The following LYRM4 variants were observed in gnomAD, a reference collection of about 807,000 sequenced individuals.
LYRM4 encodes the protein LYR motif-containing protein 4.
A neutral mutation model predicts 11.7 loss-of-function variants in LYRM4; 9 were observed. That is an observed-to-expected ratio of 0.77 (90% confidence interval 0.46 to 1.34). The LOEUF is 1.34. LYRM4 is among the 40% of genes most tolerant of loss of function. The pLI, the probability that LYRM4 is intolerant of heterozygous loss-of-function variation, is 0.00. For missense variants in LYRM4, 133 were observed against 112.5 expected (o/e 1.18, Z -0.82); for synonymous variants, 42 against 40.4 (o/e 1.04, Z -0.15).
At chr6:5,260,232 G>A (rs796749389) in intron 1 of LYRM4, among the ~76,000 whole-genome samples, 34 of 152,302 alleles carry the variant, frequency 2.2e-4, no homozygotes, top group African/African-American at 7.7e-4. Context: ...CTTTGTCGCA[G>A]TGTACTACTC....
chr6:5,201,815 A>G (rs1297251418), intron 2 of LYRM4, among the ~76,000 whole-genome samples: 1 of 152,230 alleles, frequency 6.6e-6, no homozygotes, highest in Admixed American at 6.5e-5. Context: ...TCATTCTATT[A>G]AAATGCAATT....
In LYRM4 at chr6:5,222,244, T is replaced by C. The variant is rs143192175; in HGVS notation, c.87-5506A>G. 3.0e-3 allele frequency among the ~76,000 whole-genome samples: 456 copies of C among 152,238 alleles called. 1 individual carries two copies. The highest frequency in any genetic ancestry group is 5.2e-3 in the Admixed American group (79 of 15,294). ...AATAAATGAGCTTATCAAAATATCA[T>C]AGGCAATATCAAAAAGACCTTCAAG... On this transcript the variant is annotated intron_variant, in intron 1 of 2. Transcript: ENST00000330636.
chr6:5,179,411 C>T (rs1759942258), intron 2 of LYRM4, among the ~76,000 whole-genome samples: 1 of 152,156 alleles, frequency 6.6e-6, no homozygotes, highest in Non-Finnish European at 1.5e-5. Flanking sequence ...TCTCCATTCT[C>T]ATCCCTCAGT....
chr6:5,037,638 G>A, the LYRM4 span, among the ~76,000 whole-genome samples: 20 of 58,516 alleles, frequency 3.4e-4, no homozygotes, highest in African/African-American at 3.6e-4. Context: ...CGGGCGGGGG[G>A]CTGATCCCCC....
At position 5,129,199 on chromosome 6, in the gene LYRM4, G is replaced by A. The variant is rs566836563; in HGVS notation, c.208-19708C>T. ...TGGGAAATAGTGGCATTGGGCTCGC[G>A]GGCTGCCCTGAGACAACCCAGGTTT... On this transcript the variant is annotated intron_variant, in intron 2 of 2. Coordinates refer to ENST00000330636, the MANE Select transcript of LYRM4 (RefSeq NM_020408.6). Among the ~76,000 whole-genome samples the A allele has an allele frequency of 3.3e-4, 51 of 152,264 alleles. 1 individual carries two copies. The highest frequency in any genetic ancestry group is 2.8e-3 in the Admixed American group (43 of 15,290).
downstream of LYRM4, chr6:5,107,124 T>C (rs1174722637): frequency 6.6e-6 from 1 of 152,284 alleles, no homozygotes; most frequent in East Asian, 1.9e-4. Flanking sequence ...ATTTGTATCT[T>C]TCTGCAGATT....
At chr6:5,218,280 C>T (rs1267387369) in intron 1 of LYRM4, 1 of 985,042 alleles carries the variant, frequency 1.0e-6, no homozygotes, top group East Asian at 1.1e-4. Flanking sequence ...CATGTGATGC[C>T]AGTAGTAATA....
chr6:5,233,391 A>C (rs71540854), intron 1 of LYRM4, among the ~76,000 whole-genome samples: 1,582 of 152,362 alleles, frequency 0.01, 34 homozygotes, highest in African/African-American at 0.035. Flanking sequence ...AAACAATCAC[A>C]AAGAATACTT....
chr6:5,240,011 A>C (rs1000282482), intron 1 of LYRM4, among the ~76,000 whole-genome samples: 19 of 152,234 alleles, frequency 1.2e-4, no homozygotes, highest in African/African-American at 4.6e-4. Flanking sequence ...GGTGGAACCC[A>C]GGGCCTGTGG....
intron 2 of LYRM4, among the ~76,000 whole-genome samples, chr6:5,175,647 G>T (rs924902753): frequency 6.6e-6 from 1 of 152,194 alleles, no homozygotes; most frequent in South Asian, 2.1e-4. Flanking sequence ...CCCTGCCATT[G>T]AGAATCGGGG....
the LYRM4 span, among the ~76,000 whole-genome samples, chr6:5,075,934 T>A: frequency 7.0e-6 from 1 of 143,600 alleles, no homozygotes; most frequent in Non-Finnish European, 1.6e-5. Context: ...GCTAACTGGG[T>A]TTATGTATTT....
chr6:5,037,881 A>C, the LYRM4 span, among the ~76,000 whole-genome samples: 2 of 47,980 alleles, frequency 4.2e-5, no homozygotes, highest in African/African-American at 1.1e-4. Context: ...ACTTCCCAGT[A>C]GGGGCGGCCG....
At chr6:5,066,966 GC>G in the LYRM4 span, 2 of 1,012,598 alleles carry the variant, frequency 2.0e-6, no homozygotes, top group South Asian at 3.0e-5. Context: ...AGGAAATCCG[GC>G]CACTGGGATC....
intron 2 of LYRM4, among the ~76,000 whole-genome samples, chr6:5,167,339 A>G (rs1759143649): frequency 6.6e-6 from 1 of 152,194 alleles, no homozygotes; most frequent in African/African-American, 2.4e-5. Context: ...TATACCAGAA[A>G]ATGTCTTGTT....
the LYRM4 span, among the ~76,000 whole-genome samples, chr6:5,083,270 T>C: frequency 6.6e-6 from 1 of 152,274 alleles, no homozygotes; most frequent in African/African-American, 2.4e-5. Context: ...TTAAAATAGC[T>C]TGTGAATTTT....
intron 2 of LYRM4, among the ~76,000 whole-genome samples, chr6:5,173,277 A>G (rs1288025232): frequency 6.6e-6 from 1 of 152,242 alleles, no homozygotes; most frequent in Non-Finnish European, 1.5e-5. Flanking sequence ...AATCAGACAC[A>G]TCAACGCTGT....
At chr6:5,066,640 C>T in the LYRM4 span, 1 of 1,184,528 alleles carries the variant, frequency 8.4e-7, no homozygotes, top group Non-Finnish European at 1.3e-6. Flanking sequence ...GCACCAATTT[C>T]AAGTAATGCC....
the LYRM4 span, chr6:5,054,411 A>T: frequency 1.3e-4 from 20 of 153,736 alleles, no homozygotes; most frequent in Non-Finnish European, 7.3e-5. Flanking sequence ...TCCAGTGTGC[A>T]TGGTCTTTTC....
the LYRM4 span, chr6:5,085,997 C>G: frequency 6.6e-7 from 1 of 1,524,704 alleles, no homozygotes; most frequent in Non-Finnish European, 8.8e-7. Context: ...CCTATGCGTG[C>G]CGAGGACCTG....
Sources: gnomAD v4.1 joint callset for allele counts (sites outside exome capture counted in the v4.1 genomes callset) on GRCh38, gnomAD v4.1.1 for gene constraint, MANE v1.5 for transcripts, NCBI Gene and HGNC (gene_info 2026-07-23, HGNC 2026-07-21) for gene names.